CLPTM1: variants seen among roughly 807,000 people sequenced by gnomAD.
The protein encoded by CLPTM1 is putative lipid scramblase CLPTM1.
In CLPTM1, 21 loss-of-function variants were observed where a neutral mutation model predicts 77.3. That is an observed-to-expected ratio of 0.27 (90% CI 0.19 to 0.39). The LOEUF is 0.39. CLPTM1 is among the 10% of genes least tolerant of loss of function. The pLI, the probability that CLPTM1 is intolerant of heterozygous loss-of-function variation, is 1.00. For missense variants in CLPTM1, 642 were observed against 921.2 expected (o/e 0.70, Z 3.92); for synonymous variants, 373 against 381.0 (o/e 0.98, Z 0.24).
chr19:44,991,921 G>A lies in CLPTM1; in HGVS notation c.1556-312G>A, dbSNP rs1321681947. On this transcript the variant is annotated intron_variant, in intron 12 of 13. Transcript: ENST00000337392. This position sits in a 1 kb window ranked among gnomAD's most constrained non-coding sequence, Gnocchi z 5.4. ...CCCTGTCTCAAAAAACAAAAGACCG[G>A]GTGAATCACAGCCAATAGTGAGTAC... Among the ~76,000 whole-genome samples, 1 of 152,034 alleles carries A rather than the reference G, an allele frequency of 6.6e-6. No homozygotes were observed. Among genetic ancestry groups the A allele is most frequent in the African/African-American group, 2.4e-5 (1 of 41,372 alleles).
Position 44,956,765 on chromosome 19 carries a change from G to A in CLPTM1, c.72+1298G>A, listed in dbSNP as rs545563017. Among the ~76,000 whole-genome samples the A allele has an allele frequency of 2.6e-3, 399 of 152,302 alleles. 5 individuals are homozygous for A. The highest frequency in any genetic ancestry group is 4.0e-4 in the Non-Finnish European group (27 of 68,022). Reference sequence around the variant, plus strand: ...TTGTTCTCATTGCCCTGAGCTTCCAGATGGCACTCTGATCTTCTCTTGTAC... The same window carrying A: ...TTGTTCTCATTGCCCTGAGCTTCCAAATGGCACTCTGATCTTCTCTTGTAC... On this transcript the variant is annotated intron_variant, in intron 1 of 13. Transcript: ENST00000337392.
At position 44,990,522 on chromosome 19, in the gene CLPTM1, G is replaced by A. The variant is rs1217627385; in HGVS notation, c.1260G>A (p.Gln420=). The A allele has an allele frequency of 1.2e-6, 2 of 1,614,012 alleles. No individual in the cohort carries two copies. The highest frequency in any genetic ancestry group is 1.7e-6 in the Non-Finnish European group (2 of 1,180,012). ...ACAACGAGACCAACTTCGTGGTCCA[G>A]GTCAGCGTCTTCATTGGGGTCCTCA... ...ILDNETNFVV[Q]VSVFIGVLID... is the part of the protein sequence containing the mutation. The change falls in exon 10 of 14, where the codon CAG becomes CAA. Residue 420 remains glutamine (Q), a synonymous_variant. Transcript: ENST00000337392. The surrounding 1 kb of genome is among the most constrained non-coding windows in gnomAD (Gnocchi z 4.8).
chr19:44,969,721 T>C (rs1459503855), intron 2 of CLPTM1, among the ~76,000 whole-genome samples: 3 of 148,722 alleles, frequency 2.0e-5, no homozygotes, highest in Non-Finnish European at 3.0e-5. Context: ...GGAGTCTTAC[T>C]CTGTCACCCA....
At chr19:44,973,705 G>A (rs944052245) in intron 3 of CLPTM1, among the ~76,000 whole-genome samples, 3 of 151,108 alleles carry the variant, frequency 2.0e-5, no homozygotes, top group Non-Finnish European at 4.4e-5. Flanking sequence ...GCTTTTCTGA[G>A]CAAACATGGC....
rs978366768 is a variant in CLPTM1, at chr19:44,991,157, G to A, written c.1420-81G>A. 4 of 1,593,436 alleles carry A rather than the reference G, an allele frequency of 2.5e-6. No homozygotes were observed. Among genetic ancestry groups the A allele is most frequent in the African/African-American group, 2.7e-5 (2 of 74,686 alleles). On this transcript the variant is annotated intron_variant, in intron 11 of 13. Transcript: ENST00000337392. This position sits in a 1 kb window ranked among gnomAD's most constrained non-coding sequence, Gnocchi z 5.4. ...CCCCCTGCCCGGCCTGCCAGACCAG[G>A]TGTGGTGGGTGAGGGCGGGGAGCAG... is the stretch of plus-strand genomic sequence containing the variant.
At chr19:44,960,244 A>C (rs1568640324) in intron 1 of CLPTM1, among the ~76,000 whole-genome samples, 1 of 152,090 alleles carries the variant, frequency 6.6e-6, no homozygotes, top group Non-Finnish European at 1.5e-5. Flanking sequence ...CTCTCTGACC[A>C]CCCACTCCAA....
At chr19:44,978,055 A>T (rs190586479) in intron 5 of CLPTM1, among the ~76,000 whole-genome samples, 1 of 152,054 alleles carries the variant, frequency 6.6e-6, no homozygotes, top group Non-Finnish European at 1.5e-5. Flanking sequence ...GGTTGCAGTG[A>T]GCCAGAATCA....
At chr19:44,955,171 T>C (rs1970438880), upstream of CLPTM1, 8 of 1,535,442 alleles carry the variant, frequency 5.2e-6, no homozygotes, top group East Asian at 2.0e-4. Context: ...GAGCATACAG[T>C]GTTTTTATTA....
At chr19:44,975,005 A>G (rs1970783898) in intron 4 of CLPTM1, among the ~76,000 whole-genome samples, 1 of 152,216 alleles carries the variant, frequency 6.6e-6, no homozygotes, top group Non-Finnish European at 1.5e-5. Flanking sequence ...ATTTCCCGGC[A>G]ACCCTGTGAA....
chr19:44,957,712 G>A (rs999295751), intron 1 of CLPTM1, among the ~76,000 whole-genome samples: 1 of 152,182 alleles, frequency 6.6e-6, no homozygotes, highest in Non-Finnish European at 1.5e-5. Flanking sequence ...CTTCTCCCAT[G>A]CCCAGGGCCT....
At chr19:44,956,239 A>C (rs183715056) in intron 1 of CLPTM1, among the ~76,000 whole-genome samples, 1 of 152,112 alleles carries the variant, frequency 6.6e-6, no homozygotes, top group Non-Finnish European at 1.5e-5. Context: ...GCTCAGGGGA[A>C]AGGAGTGCGG....
At position 44,985,386 on chromosome 19, in the gene CLPTM1, G is replaced by A. The variant is rs983570032; in HGVS notation, c.672+83G>A. The A allele has an allele frequency of 2.6e-5, 25 of 943,682 alleles. No individual in the cohort carries two copies. The African/African-American group carries it at 3.6e-4, about 13-fold the overall frequency. The allele number at this position is 943,682 out of a possible 1,614,324, so 58.5% of individuals were successfully genotyped here. A position where few individuals can be genotyped will look rare whatever the true frequency, so the allele number is the denominator to read the frequency against. On this transcript the variant is annotated intron_variant, in intron 6 of 13. Transcript: ENST00000337392. ...TCCCAGACCACTGGGGCTGTCATCT[G>A]TCACCACCACTGAACCACCATGCCG...
rs547131319 is a variant in CLPTM1 at position 44,990,172 on chromosome 19, G to A, written c.1133-223G>A. 121 of 562,710 alleles carry A rather than the reference G, an allele frequency of 2.2e-4. No homozygotes were observed. The highest frequency in any genetic ancestry group is 5.5e-4 in the Admixed American group (18 of 32,820). 34.9% of individuals were successfully genotyped at this position (562,710 alleles called of 1,614,324 possible). ...GCACCTTGGGGTGCTGGGTGCTGAC[G>A]TCCTATGGGAGGGCTCCAGGGGTGC... is the stretch of plus-strand genomic sequence containing the variant. On this transcript the variant is annotated intron_variant, in intron 9 of 13. Transcript: ENST00000337392. The surrounding 1 kb of genome is among the most constrained non-coding windows in gnomAD (Gnocchi z 4.8).
At chr19:44,980,871 T>C (rs1970884782) in intron 5 of CLPTM1, among the ~76,000 whole-genome samples, 1 of 151,744 alleles carries the variant, frequency 6.6e-6, no homozygotes, top group Non-Finnish European at 1.5e-5. Flanking sequence ...GAAGTCTTGC[T>C]CTGTTGCCCA....
In CLPTM1 at chr19:44,974,591, C is replaced by G. The variant is rs778166767; in HGVS notation, c.462C>G (p.Ile154Met). The change falls in exon 4 of 14, where the codon ATC becomes ATG. Residue 154 changes from isoleucine (I) to methionine (M), a missense_variant. Physicochemically the swap from Ile to Met is conservative, Grantham distance 10. Transcript: ENST00000337392. ...GCYEHFAELD[I>M]PQSVQQNGSI... is the part of the protein sequence containing the mutation. ...ACGAGCACTTTGCTGAGCTCGATAT[C>G]CCACAGGTGGGGGCAGCTCTCGGTT... 6.2e-7 allele frequency: 1 copy of G among 1,613,784 alleles called. No individual in the cohort carries two copies.
chr19:44,955,165 A>C (rs775635233), upstream of CLPTM1: 13 of 1,535,646 alleles, frequency 8.5e-6, no homozygotes, highest in Non-Finnish European at 1.1e-5. Context: ...AGTTCGGAGC[A>C]TACAGTGTTT....
intron 5 of CLPTM1, among the ~76,000 whole-genome samples, chr19:44,983,641 A>AAAG (rs1851284036): frequency 1.4e-5 from 2 of 147,856 alleles, no homozygotes; most frequent in African/African-American, 5.1e-5. Flanking sequence ...AAAAAAAAAA[A>AAAG]AAAAGAAAAG....
In CLPTM1 at chr19:44,990,272, C is replaced by A; in HGVS notation, c.1133-123C>A. 2 of 929,572 alleles carry A rather than the reference C, an allele frequency of 2.2e-6. No homozygotes were observed. The highest frequency in any genetic ancestry group is 3.3e-6 in the Non-Finnish European group (2 of 605,376). The allele number at this position is 929,572 out of a possible 1,614,324, so 57.6% of individuals were successfully genotyped here. A position where few individuals can be genotyped will look rare whatever the true frequency, so the allele number is the denominator to read the frequency against. On this transcript the variant is annotated intron_variant, in intron 9 of 13. Coordinates refer to ENST00000337392, the MANE Select transcript of CLPTM1 (RefSeq NM_001294.4). This position sits in a 1 kb window ranked among gnomAD's most constrained non-coding sequence, Gnocchi z 4.8. Reference sequence around the variant, plus strand: ...GGGAGAGAGGGGTCTCGTTCAGCACCCCTCCTGAGGACCCAGCCCCACCCC... The same window carrying A: ...GGGAGAGAGGGGTCTCGTTCAGCACACCTCCTGAGGACCCAGCCCCACCCC...
At chr19:44,989,942 G>A (rs1486530463) in intron 9 of CLPTM1, 1 of 158,890 alleles carries the variant, frequency 6.3e-6, no homozygotes, top group Admixed American at 6.4e-5. Context: ...TGGAGGAGGT[G>A]GTCTTGAAGT....
Sources: allele counts gnomAD v4.1 joint callset (sites outside exome capture counted in the v4.1 genomes callset), GRCh38; gene constraint gnomAD v4.1.1; non-coding constraint Gnocchi (gnomAD v3.1); transcripts MANE v1.5; gene names NCBI Gene and HGNC (gene_info 2026-07-23, HGNC 2026-07-21).